Variants in RIMBP2 observed in about 807,000 individuals in gnomAD.
RIMBP2 encodes RIMS-binding protein 2.
In RIMBP2, 48 loss-of-function variants were observed where a neutral mutation model predicts 118.6. The observed-to-expected ratio is 0.40, with a 90% CI of 0.32 to 0.51. The LOEUF (loss-of-function observed/expected upper bound fraction) is 0.51, where lower values mean the gene tolerates loss of function less well. RIMBP2 is among the 20% of genes least tolerant of loss of function. The pLI, the probability that RIMBP2 is intolerant of heterozygous loss-of-function variation, is 0.41. For missense variants in RIMBP2, 1,551 were observed against 1,768.3 expected (o/e 0.88, Z 2.20); for synonymous variants, 762 against 742.9 (o/e 1.03, Z -0.42).
intron 1 of RIMBP2, among the ~76,000 whole-genome samples, chr12:130,635,783 T>A (rs570610377): frequency 1.1e-4 from 16 of 152,078 alleles, no homozygotes; most frequent in Admixed American, 6.5e-4. Context: ...ACCTAACATC[T>A]GAAAGGGACC....
At position 130,434,932 on chromosome 12, in the gene RIMBP2, G is replaced by A. The variant is rs753928207; in HGVS notation, c.2107-52C>T. 33 of 1,548,542 alleles carry A rather than the reference G, an allele frequency of 2.1e-5. No homozygotes were observed. The highest frequency in any genetic ancestry group is 9.2e-5 in the Admixed American group (5 of 54,580). ...GTGAGGCAGGGCCACCTTCAGCTAC[G>A]CTCAGCCCCACCTGCATTCACCAAA... On this transcript the variant is annotated intron_variant, in intron 13 of 22. Transcript: ENST00000690449. This position sits in a 1 kb window ranked among gnomAD's most constrained non-coding sequence, Gnocchi z 5.7.
Position 130,609,057 on chromosome 12 carries a change from A to C in RIMBP2, c.-217+19265T>G, listed in dbSNP as rs76419122. On this transcript the variant is annotated intron_variant, in intron 2 of 22. Coordinates refer to ENST00000690449, the MANE Select transcript of RIMBP2 (RefSeq NM_001393629.1). ...TCTTTCTGTGCCTGACTGATGACTT[A>C]ATGCAGCATCCTCCAGGTTCATCCA... 7.7e-3 allele frequency among the ~76,000 whole-genome samples: 1,173 copies of C among 152,272 alleles called. 7 individuals are homozygous for C. Among genetic ancestry groups the C allele is most frequent in the African/African-American group, 0.026 (1,087 of 41,548 alleles).
intron 21 of RIMBP2, among the ~76,000 whole-genome samples, chr12:130,401,417 T>A (rs565079919): frequency 2.6e-5 from 4 of 152,134 alleles, no homozygotes; most frequent in Admixed American, 1.3e-4. Context: ...ACCTGGCCAA[T>A]TTTAGATAAA....
At chr12:130,470,999 A>G (rs1480638817) in intron 5 of RIMBP2, among the ~76,000 whole-genome samples, 1 of 152,228 alleles carries the variant, frequency 6.6e-6, no homozygotes, top group Non-Finnish European at 1.5e-5. Context: ...TGATAAGCTT[A>G]GTAGCAGAAG....
Position 130,512,415 on chromosome 12 carries a change from T to G in RIMBP2, c.-127+5413A>C, listed in dbSNP as rs569029922. Among the ~76,000 whole-genome samples the G allele has an allele frequency of 1.1e-4, 16 of 152,278 alleles. No homozygotes were observed. The East Asian group carries it at 3.1e-3, about 29-fold the overall frequency. On this transcript the variant is annotated intron_variant, in intron 3 of 22. Coordinates refer to ENST00000690449, the MANE Select transcript of RIMBP2 (RefSeq NM_001393629.1). ...TTGGCTCACTGCAACCTTCACCTCC[T>G]GGGTTCAAGTGATGATTATGCCTTA...
intron 2 of RIMBP2, among the ~76,000 whole-genome samples, chr12:130,598,388 A>G (rs1019039817): frequency 1.1e-4 from 16 of 152,214 alleles, no homozygotes; most frequent in African/African-American, 3.9e-4. Context: ...GCTAATCCTA[A>G]AGATCCACAT....
chr12:130,427,933 C>T, intron 15 of RIMBP2: 1 of 388,604 alleles, frequency 2.6e-6, no homozygotes, highest in Non-Finnish European at 4.5e-6. Context: ...GCTGGGTGCC[C>T]CCTGGAGGGT....
intron 1 of RIMBP2, among the ~76,000 whole-genome samples, chr12:130,641,665 T>C (rs1250943688): frequency 6.6e-6 from 1 of 152,158 alleles, no homozygotes; most frequent in African/African-American, 2.4e-5. Context: ...AAAAACAAAC[T>C]GCGCCTGTGT....
At chr12:130,646,057 C>G (rs2062871153) in intron 1 of RIMBP2, among the ~76,000 whole-genome samples, 4 of 126,502 alleles carry the variant, frequency 3.2e-5, no homozygotes, top group Admixed American at 8.2e-5. Flanking sequence ...CCACCTCCCT[C>G]ACCACCTGCC....
At chr12:130,610,600 G>T (rs145729646) in intron 2 of RIMBP2, among the ~76,000 whole-genome samples, 2 of 112,962 alleles carry the variant, frequency 1.8e-5, no homozygotes, top group Non-Finnish European at 3.3e-5. Context: ...TCGCTCTGTC[G>T]CCCAGGCTGG....
Position 130,642,241 on chromosome 12 carries a change from G to A in RIMBP2, c.-351-13785C>T, listed in dbSNP as rs150394739. On this transcript the variant is annotated intron_variant, in intron 1 of 22. Transcript: ENST00000690449. ...AATGATGCCCCACACTCCAGGGAGA[G>A]GCCCTGGCTCCGGCTGGGACTCTGG... Among the ~76,000 whole-genome samples, 733 of 152,208 alleles carry A rather than the reference G, an allele frequency of 4.8e-3. 5 individuals are homozygous for A. Among genetic ancestry groups the A allele is most frequent in the African/African-American group, 0.016 (684 of 41,532 alleles).
intron 4 of RIMBP2, among the ~76,000 whole-genome samples, chr12:130,495,291 G>C (rs1231945585): frequency 1.3e-5 from 2 of 152,178 alleles, no homozygotes; most frequent in African/African-American, 2.4e-5. Context: ...ACCTGCCCCA[G>C]ACCAAGCCAT....
chr12:130,638,896 T>C (rs571744193), intron 1 of RIMBP2, among the ~76,000 whole-genome samples: 1 of 152,168 alleles, frequency 6.6e-6, no homozygotes, highest in South Asian at 2.1e-4. Flanking sequence ...TCAAAAGCCA[T>C]AGAATGCACA....
At chr12:130,470,777 T>C in intron 5 of RIMBP2, 34 bp from the exon 6 acceptor site, 2 of 1,197,426 alleles carry the variant, frequency 1.7e-6, no homozygotes, top group Non-Finnish European at 2.1e-6. Flanking sequence ...AAAGAGTAAA[T>C]GTCCAAAGGG....
At chr12:130,479,789 G>C (rs1293102489) in intron 4 of RIMBP2, among the ~76,000 whole-genome samples, 1 of 151,774 alleles carries the variant, frequency 6.6e-6, no homozygotes, top group Admixed American at 6.6e-5. Flanking sequence ...AGAGAGGACA[G>C]AGCCGGGTTC....
At chr12:130,664,868 C>A (rs1017342933) in intron 1 of RIMBP2, among the ~76,000 whole-genome samples, 2 of 151,706 alleles carry the variant, frequency 1.3e-5, no homozygotes, top group Non-Finnish European at 2.9e-5. Flanking sequence ...TAAAGGGGGG[C>A]GGGGCAGGGA....
intron 21 of RIMBP2, among the ~76,000 whole-genome samples, chr12:130,404,399 G>C (rs924482688): frequency 9.9e-5 from 15 of 152,166 alleles, no homozygotes; most frequent in Admixed American, 6.5e-5. Flanking sequence ...CTGGGTTCAA[G>C]TGATTCTCCT....
At chr12:130,561,606 C>G (rs1368831077) in intron 2 of RIMBP2, among the ~76,000 whole-genome samples, 1 of 152,128 alleles carries the variant, frequency 6.6e-6, no homozygotes, top group Non-Finnish European at 1.5e-5. Flanking sequence ...GAATCACATA[C>G]AGAATACGGA....
chr12:130,509,419 T>C (rs2050681549), intron 3 of RIMBP2, among the ~76,000 whole-genome samples: 1 of 152,204 alleles, frequency 6.6e-6, no homozygotes, highest in Admixed American at 6.5e-5. Context: ...GGGAATCCTC[T>C]TGGGAGACGA....
Sources: allele counts gnomAD v4.1 joint callset (sites outside exome capture counted in the v4.1 genomes callset), GRCh38; gene constraint gnomAD v4.1.1; non-coding constraint Gnocchi (gnomAD v3.1); transcripts MANE v1.5; gene names NCBI Gene and HGNC (gene_info 2026-07-23, HGNC 2026-07-21).